SETD3: variants seen among roughly 807,000 people sequenced by gnomAD.
The protein encoded by SETD3 is actin-histidine N-methyltransferase.
Under a neutral mutation model 63.0 loss-of-function variants are expected in SETD3, and 19 were observed. The observed-to-expected ratio is 0.30, with a 90% CI of 0.21 to 0.44. SETD3 has a LOEUF of 0.44. Among genes scored for constraint, SETD3 ranks in the 20% least tolerant of loss-of-function variants. The pLI, the probability that SETD3 is intolerant of heterozygous loss-of-function variation, is 1.00. For synonymous variants in SETD3, 286 were observed against 264.1 expected (o/e 1.08, Z -0.80); for missense variants, 587 against 728.5 (o/e 0.81, Z 2.24).
In SETD3 at chr14:99,458,481, G is replaced by C; in HGVS notation, c.473C>G (p.Ala158Gly). 4 of 1,614,152 alleles carry C rather than the reference G, an allele frequency of 2.5e-6. No individual in the cohort carries two copies. The highest frequency in any genetic ancestry group is 3.4e-6 in the Non-Finnish European group (4 of 1,180,028). The change falls in exon 6 of 13, where the codon GCC becomes GGC. Residue 158 changes from alanine to glycine, a missense_variant. Physicochemically the swap from Ala to Gly is moderately conservative, Grantham distance 60. Coordinates refer to ENST00000331768, the MANE Select transcript of SETD3 (RefSeq NM_032233.3). The stretch of plus-strand genomic sequence containing the variant: ...GGCTCGCTCACACAGCAAATGAAAG[G>C]CCAGTGCGATGTTTCCCATGGCTTG... ...ILQAMGNIAL[A>G]FHLLCERASP...
In SETD3 at chr14:99,398,061, A is replaced by G. The variant is rs569282696; in HGVS notation, c.*618T>C. ...AACAAATCTTTAGAAATCACTATATATATGTGTGTTTATATATATATTTTT... is the reference window on the plus strand; with the variant it reads ...AACAAATCTTTAGAAATCACTATATGTATGTGTGTTTATATATATATTTTT... On this transcript the variant is annotated 3_prime_UTR_variant, in exon 13 of 13. Coordinates refer to ENST00000331768, the MANE Select transcript of SETD3 (RefSeq NM_032233.3). 5 of 152,724 alleles carry G rather than the reference A, an allele frequency of 3.3e-5. No individual in the cohort carries two copies. The highest frequency in any genetic ancestry group is 3.3e-4 in the Admixed American group (5 of 15,300). The allele number at this position is 152,724 out of a possible 1,614,324, so 9.5% of individuals were successfully genotyped here.
At chr14:99,414,270 C>T (rs956528411) in intron 6 of SETD3, among the ~76,000 whole-genome samples, 16 of 152,258 alleles carry the variant, frequency 1.1e-4, no homozygotes, top group Admixed American at 7.8e-4. Context: ...TAAGCAGAAA[C>T]GCAGAGCCGC....
chr14:99,405,671 C>T (rs536501823), intron 9 of SETD3, among the ~76,000 whole-genome samples: 1 of 152,072 alleles, frequency 6.6e-6, no homozygotes, highest in Non-Finnish European at 1.5e-5. Context: ...CTGGGGTCAC[C>T]AGGCCTCTAT....
chr14:99,459,220 A>G, intron 4 of SETD3, 35 bp from the exon 5 acceptor site: 1 of 1,455,994 alleles, frequency 6.9e-7, no homozygotes, highest in African/African-American at 1.4e-5. Flanking sequence ...GAATCATCAA[A>G]ACACGGTACA....
chr14:99,398,650 C>CT lies in SETD3; in HGVS notation c.*28dup. The CT allele has an allele frequency of 1.3e-6, 2 of 1,598,988 alleles. No individual in the cohort carries two copies. Among genetic ancestry groups the CT allele is most frequent in the African/African-American group, 2.7e-5 (2 of 74,622 alleles). Reference sequence around the variant, plus strand: ...GGACTGTCCGTCAACTCCTGCTCCACTGGATCCCCCATCCAGCTTCACCTC... The same window carrying CT: ...GGACTGTCCGTCAACTCCTGCTCCACTTGGATCCCCCATCCAGCTTCACCTC... On this transcript the variant is annotated 3_prime_UTR_variant, in exon 13 of 13. Transcript: ENST00000331768.
chr14:99,433,756 C>T (rs186766510), intron 6 of SETD3, among the ~76,000 whole-genome samples: 3 of 152,074 alleles, frequency 2.0e-5, no homozygotes, highest in Non-Finnish European at 4.4e-5. Flanking sequence ...CTTTAATGAG[C>T]GTAACATTTG....
intron 3 of SETD3, among the ~76,000 whole-genome samples, chr14:99,462,710 T>G (rs1330292003): frequency 1.3e-5 from 2 of 152,194 alleles, no homozygotes; most frequent in Non-Finnish European, 2.9e-5. Context: ...CTCACCATTT[T>G]GGAGTCTGAG....
chr14:99,415,984 A>G (rs1469154244), intron 6 of SETD3, among the ~76,000 whole-genome samples: 3 of 152,210 alleles, frequency 2.0e-5, no homozygotes, highest in African/African-American at 4.8e-5. Flanking sequence ...GGGCTTATCA[A>G]AAACAGCTAC....
chr14:99,463,364 A>C, intron 3 of SETD3, 122 bp downstream of exon 3: 1 of 695,622 alleles, frequency 1.4e-6, no homozygotes, highest in South Asian at 1.9e-5. Context: ...TGCAAGCCCC[A>C]GTACAAGACC....
upstream of SETD3, among the ~76,000 whole-genome samples, chr14:99,482,822 C>T (rs1473209415): frequency 2.6e-5 from 4 of 151,950 alleles, no homozygotes; most frequent in Non-Finnish European, 5.9e-5. Flanking sequence ...ATAAAATGGG[C>T]TAGTTCATTT....
intron 1 of SETD3, among the ~76,000 whole-genome samples, chr14:99,473,197 C>T (rs1271960330): frequency 2.0e-5 from 3 of 152,178 alleles, no homozygotes; most frequent in Non-Finnish European, 4.4e-5. Context: ...ACCACCTCTG[C>T]CAATCAAGCG....
intron 6 of SETD3, among the ~76,000 whole-genome samples, chr14:99,433,445 C>G (rs1893294280): frequency 6.7e-6 from 1 of 148,178 alleles, no homozygotes; most frequent in African/African-American, 2.5e-5. Flanking sequence ...TTTAAAAGTT[C>G]TTTTTTTTTT....
chr14:99,486,337 C>T, the SETD3 span, among the ~76,000 whole-genome samples: 1 of 152,120 alleles, frequency 6.6e-6, no homozygotes, highest in African/African-American at 2.4e-5. Flanking sequence ...TCTGTTTTAC[C>T]TTCCTGTCAC....
chr14:99,411,946 T>C (rs970728057), intron 8 of SETD3: 2 of 152,260 alleles, frequency 1.3e-5, no homozygotes, highest in Non-Finnish European at 2.9e-5. Context: ...AGCACTAGGA[T>C]ATTCTGTCTT....
intron 1 of SETD3, among the ~76,000 whole-genome samples, chr14:99,476,412 T>A (rs1057267351): frequency 2.0e-5 from 3 of 152,238 alleles, no homozygotes; most frequent in Non-Finnish European, 2.9e-5. Context: ...GCTGGCTTTG[T>A]CCAAATACAT....
At chr14:99,403,274 C>T (rs77343305) in intron 11 of SETD3, among the ~76,000 whole-genome samples, 1 of 152,202 alleles carries the variant, frequency 6.6e-6, no homozygotes, top group Non-Finnish European at 1.5e-5. Context: ...CAGCTTCCCC[C>T]ACATGGGCCA....
At chr14:99,475,364 AGAGAGCGTGTTATTCCT>A (rs1895918438) in intron 1 of SETD3, among the ~76,000 whole-genome samples, 1 of 152,258 alleles carries the variant, frequency 6.6e-6, no homozygotes, top group South Asian at 2.1e-4. Flanking sequence ...GGCAGGACAG[AGAGAGCGTGTTATTCCT>A]GATTAACAAA....
chr14:99,432,092 T>C (rs1893213843), intron 6 of SETD3, among the ~76,000 whole-genome samples: 1 of 152,154 alleles, frequency 6.6e-6, no homozygotes, highest in South Asian at 2.1e-4. Context: ...CACCACCTAC[T>C]TTACTAAGAT....
At chr14:99,446,105 C>A (rs949239560) in intron 6 of SETD3, among the ~76,000 whole-genome samples, 1 of 152,140 alleles carries the variant, frequency 6.6e-6, no homozygotes. Context: ...TGGGCTTACT[C>A]AGTGGCTCTG....
Sources: allele counts gnomAD v4.1 joint callset (sites outside exome capture counted in the v4.1 genomes callset), GRCh38; gene constraint gnomAD v4.1.1; transcripts MANE v1.5; gene names NCBI Gene and HGNC (gene_info 2026-07-23, HGNC 2026-07-21).